PLEKHM1: variants seen among roughly 807,000 people sequenced by gnomAD.
The protein encoded by PLEKHM1 is pleckstrin homology and RUN domain containing M1, also known as pleckstrin homology domain-containing family M member 1.
PLEKHM1 carries 28 observed loss-of-function variants against 94.3 expected under a neutral mutation model. That is an observed-to-expected ratio of 0.30 (90% confidence interval 0.22 to 0.41). The LOEUF (loss-of-function observed/expected upper bound fraction) is 0.41. PLEKHM1 is among the 10% of genes least tolerant of loss of function. PLEKHM1 has a pLI of 1.00. For synonymous variants in PLEKHM1, 424 were observed against 581.2 expected, an observed-to-expected ratio of 0.73 and a Z score of 3.89; for missense variants, 907 against 1,358.6, an observed-to-expected ratio of 0.67 and a Z score of 5.22.
At chr17:45,435,867 C>T (rs764264155), downstream of PLEKHM1, 23 of 434,148 alleles carry the variant, frequency 5.3e-5, no homozygotes, top group Middle Eastern at 3.4e-4. Flanking sequence ...CCCCCCTGGC[C>T]GTGGCAGTGT....
At chr17:45,478,529 G>A (rs955075231) in intron 2 of PLEKHM1, among the ~76,000 whole-genome samples, 1 of 152,122 alleles carries the variant, frequency 6.6e-6, no homozygotes, top group African/African-American at 2.4e-5. Context: ...CTAGGACAAG[G>A]GTGGGGCTTC....
Position 45,468,382 on chromosome 17 carries a change from G to C in PLEKHM1, c.1135C>G (p.Gln379Glu). ...TGTAAGTCCAGGGGGCTGGGCGCCTGGGGACGCGGCTCCTGCACGTGGACA... is the reference window on the plus strand; with the variant it reads ...TGTAAGTCCAGGGGGCTGGGCGCCTCGGGACGCGGCTCCTGCACGTGGACA... ...DGVHVQEPRP[Q>E]APSPLDLQQP... Residue 379 changes from glutamine to glutamate, a missense_variant, in exon 5 of 12, where the codon CAG becomes GAG. Physicochemically the swap from Gln to Glu is conservative, Grantham distance 29 (BLOSUM62 2). Coordinates refer to ENST00000430334, the MANE Select transcript of PLEKHM1 (RefSeq NM_014798.3). 1 of 1,614,172 alleles carries C rather than the reference G, an allele frequency of 6.2e-7. No individual in the cohort carries two copies. Among genetic ancestry groups the C allele is most frequent in the Non-Finnish European group, 8.5e-7 (1 of 1,180,028 alleles).
chr17:45,486,183 C>T lies in PLEKHM1; in HGVS notation c.-41-3658G>A, dbSNP rs569063023. Among the ~76,000 whole-genome samples the T allele has an allele frequency of 2.3e-3, 341 of 146,308 alleles. 2 individuals are homozygous for T. Among genetic ancestry groups the T allele is most frequent in the African/African-American group, 8.3e-3 (326 of 39,492 alleles). On this transcript the variant is annotated intron_variant, in intron 1 of 11. Transcript: ENST00000430334. ...AGTGAGCCGAGATCCCGCCACTGCA[C>T]TCCAGCCTAGGCGACAGAGAGAGAC...
rs1193281786 is a variant in PLEKHM1 at position 45,437,166 on chromosome 17, C to T, written c.*692G>A. On this transcript the variant is annotated 3_prime_UTR_variant, in exon 12 of 12. Coordinates refer to ENST00000430334, the MANE Select transcript of PLEKHM1 (RefSeq NM_014798.3). This position sits in a 1 kb window ranked among gnomAD's most constrained non-coding sequence, Gnocchi z 4.0. ...GACGCTGAGAAAGCGGTGGGCTCAG[C>T]AGGCGAGACGCACTGGGGTGGGGAG... The T allele has an allele frequency of 2.2e-6, 1 of 453,100 alleles. No individual in the cohort carries two copies. The highest frequency in any genetic ancestry group is 4.4e-6 in the Non-Finnish European group (1 of 225,764). 28.1% of individuals were successfully genotyped at this position (453,100 alleles called of 1,614,324 possible). A position where few individuals can be genotyped will look rare whatever the true frequency, so the allele number is the denominator to read the frequency against.
At chr17:45,450,589 G>A in intron 8 of PLEKHM1, 29 bp downstream of exon 8, 1 of 1,613,288 alleles carries the variant, frequency 6.2e-7, no homozygotes, top group Non-Finnish European at 8.5e-7. Context: ...CTGTCCCTCA[G>A]CAGCTGGGCT....
chr17:45,485,137 G>T (rs2052070578), intron 1 of PLEKHM1, among the ~76,000 whole-genome samples: 1 of 152,176 alleles, frequency 6.6e-6, no homozygotes, highest in Middle Eastern at 3.4e-3. Context: ...AGCTACCCAG[G>T]GATTCTCAGA....
At position 45,444,185 on chromosome 17, in the gene PLEKHM1, G is replaced by A. The variant is rs530416103; in HGVS notation, c.2837+1285C>T. Among the ~76,000 whole-genome samples the A allele has an allele frequency of 5.3e-5, 8 of 152,244 alleles. No homozygotes were observed. The highest frequency in any genetic ancestry group is 4.6e-4 in the Admixed American group (7 of 15,300). On this transcript the variant is annotated intron_variant, in intron 9 of 11. Transcript: ENST00000430334. The surrounding 1 kb of genome is among the most constrained non-coding windows in gnomAD (Gnocchi z 5.0). Reference sequence around the variant, plus strand: ...GCCCTGTGGGGAGGGAAGGCCAGACGGGGGAACCTGGAGGGGCTTGTGAAC... The same window carrying A: ...GCCCTGTGGGGAGGGAAGGCCAGACAGGGGAACCTGGAGGGGCTTGTGAAC...
In PLEKHM1 at chr17:45,439,470, C is replaced by T. The variant is rs758660857; in HGVS notation, c.3059+7G>A. 9.9e-6 allele frequency: 16 copies of T among 1,613,974 alleles called. No individual in the cohort carries two copies. The highest frequency in any genetic ancestry group is 4.5e-5 in the East Asian group (2 of 44,892). On this transcript the variant is annotated splice_region_variant and intron_variant, in intron 11 of 11. Coordinates refer to ENST00000430334, the MANE Select transcript of PLEKHM1 (RefSeq NM_014798.3). ...CTGGAAGGCGGCTGGCTGGGTGTCC[C>T]GCATACCTGACTGTGGTGTCAAACT... is the stretch of plus-strand genomic sequence containing the variant.
At chr17:45,449,962 C>T (rs1234276654) in intron 8 of PLEKHM1, among the ~76,000 whole-genome samples, 2 of 151,628 alleles carry the variant, frequency 1.3e-5, no homozygotes, top group South Asian at 2.1e-4. Context: ...ACCCACCCAC[C>T]TAGCCACCAC....
At chr17:45,479,829 T>C (rs1036882854) in intron 2 of PLEKHM1, among the ~76,000 whole-genome samples, 1 of 152,250 alleles carries the variant, frequency 6.6e-6, no homozygotes, top group African/African-American at 2.4e-5. Context: ...CAATAAATGT[T>C]TGTTAAATGA....
At chr17:45,486,311 G>A (rs1268651380) in intron 1 of PLEKHM1, among the ~76,000 whole-genome samples, 2 of 149,282 alleles carry the variant, frequency 1.3e-5, no homozygotes, top group African/African-American at 2.5e-5. Context: ...GGCTGGGCGC[G>A]GTGGCTCACG....
chr17:45,455,235 GA>G (rs1183588876), intron 6 of PLEKHM1, among the ~76,000 whole-genome samples: 1 of 152,142 alleles, frequency 6.6e-6, no homozygotes, highest in African/African-American at 2.4e-5. Context: ...CTGTTTCTGA[GA>G]TGGTCAATGC....
At chr17:45,489,844 G>A (rs1020262147) in intron 1 of PLEKHM1, among the ~76,000 whole-genome samples, 2 of 152,176 alleles carry the variant, frequency 1.3e-5, no homozygotes, top group Non-Finnish European at 2.9e-5. Context: ...GAGTTGGGGT[G>A]AAGAGTTGCG....
chr17:45,450,980 AAATG>A (rs2050758665), intron 7 of PLEKHM1, among the ~76,000 whole-genome samples: 1 of 145,040 alleles, frequency 6.9e-6, no homozygotes, highest in Non-Finnish European at 1.5e-5. Context: ...ACAGCTGAAG[AAATG>A]GATGCTCAGA....
intron 2 of PLEKHM1, among the ~76,000 whole-genome samples, chr17:45,478,948 T>C (rs2051848680): frequency 1.3e-5 from 2 of 152,096 alleles, no homozygotes; most frequent in East Asian, 1.9e-4. Flanking sequence ...AATTTCCTTA[T>C]CTGTTAAAGT....
chr17:45,454,861 G>C (rs1287408860), intron 6 of PLEKHM1: 1 of 182,980 alleles, frequency 5.5e-6, no homozygotes, highest in African/African-American at 2.3e-5. Flanking sequence ...GGAAGCGGTG[G>C]CTCATGCCTG....
intron 2 of PLEKHM1, among the ~76,000 whole-genome samples, chr17:45,479,471 T>C (rs2051867723): frequency 7.0e-6 from 1 of 142,070 alleles, no homozygotes; most frequent in African/African-American, 2.7e-5. Context: ...TGAGCCAAGA[T>C]CGCACCACTG....
chr17:45,474,078 A>G (rs1399429476), intron 4 of PLEKHM1, among the ~76,000 whole-genome samples: 3 of 148,818 alleles, frequency 2.0e-5, no homozygotes, highest in Non-Finnish European at 3.0e-5. Context: ...TTTTTTTGAG[A>G]CAGAGTCTTA....
chr17:45,437,776 A>T lies in PLEKHM1; in HGVS notation c.*82T>A. 3.8e-6 allele frequency: 4 copies of T among 1,054,690 alleles called. No individual in the cohort carries two copies. The highest frequency in any genetic ancestry group is 5.9e-6 in the Non-Finnish European group (4 of 672,376). The allele number at this position is 1,054,690 out of a possible 1,614,324, so 65.3% of individuals were successfully genotyped here. A position where few individuals can be genotyped will look rare whatever the true frequency, so the allele number is the denominator to read the frequency against. On this transcript the variant is annotated 3_prime_UTR_variant, in exon 12 of 12. Coordinates refer to ENST00000430334, the MANE Select transcript of PLEKHM1 (RefSeq NM_014798.3). The surrounding 1 kb of genome is among the most constrained non-coding windows in gnomAD (Gnocchi z 4.0). ...GGGACACAGCTGTGACACGGTGAGT[A>T]TCCTGGGCTGATGGCAAACCCAGCC...
Sources: allele counts gnomAD v4.1 joint callset (sites outside exome capture counted in the v4.1 genomes callset), GRCh38; gene constraint gnomAD v4.1.1; non-coding constraint Gnocchi (gnomAD v3.1); transcripts MANE v1.5; gene names NCBI Gene and HGNC (gene_info 2026-07-23, HGNC 2026-07-21).